Variants in KATNIP observed in about 807,000 individuals in gnomAD.
The protein encoded by KATNIP is katanin interacting protein.
Under a neutral mutation model 174.0 loss-of-function variants are expected in KATNIP, and 126 were observed. The ratio of observed to expected loss-of-function variants is 0.72; its 90% CI spans 0.63 to 0.84. The LOEUF (loss-of-function observed/expected upper bound fraction) is 0.84. Among genes scored for constraint, KATNIP ranks in the 40% least tolerant of loss-of-function variants. The pLI, the probability that KATNIP is intolerant of heterozygous loss-of-function variation, is 0.00. For synonymous variants in KATNIP, 810 were observed against 835.7 expected, an observed-to-expected ratio of 0.97 and a Z score of 0.53; for missense variants, 1,958 against 2,109.7, an observed-to-expected ratio of 0.93 and a Z score of 1.41.
intron 2 of KATNIP, among the ~76,000 whole-genome samples, chr16:27,585,453 C>T (rs1164118243): frequency 2.0e-5 from 3 of 152,092 alleles, no homozygotes; most frequent in South Asian, 4.1e-4. Context: ...GTGGGTATAT[C>T]GAAGGGATTT....
chr16:27,737,714 C>T (rs576109858), intron 14 of KATNIP, among the ~76,000 whole-genome samples: 3 of 152,056 alleles, frequency 2.0e-5, no homozygotes, highest in Admixed American at 6.6e-5. Context: ...GGAAAGTCAT[C>T]GCAAAGGAGG....
intron 8 of KATNIP, 84 bp from the exon 9 acceptor site, chr16:27,698,244 G>T: frequency 7.4e-7 from 1 of 1,350,604 alleles, no homozygotes; most frequent in Non-Finnish European, 1.0e-6. Flanking sequence ...TTTATAGAAT[G>T]TTCCTCAATT....
chr16:27,572,301 A>G (rs2090334029), intron 1 of KATNIP, among the ~76,000 whole-genome samples: 1 of 150,718 alleles, frequency 6.6e-6, no homozygotes, highest in African/African-American at 2.4e-5. Flanking sequence ...ACAGTGGTAC[A>G]TTATGCTGGT....
chr16:27,704,121 CG>C, intron 12 of KATNIP, 123 bp downstream of exon 12: 1 of 711,768 alleles, frequency 1.4e-6, no homozygotes, highest in Non-Finnish European at 2.4e-6. Context: ...GTGTTTCCAC[CG>C]CCCCCCCCCT....
At chr16:27,723,819 C>CTCCCTCCA (rs141881470) in intron 14 of KATNIP, among the ~76,000 whole-genome samples, 1 of 152,222 alleles carries the variant, frequency 6.6e-6, no homozygotes, top group Non-Finnish European at 1.5e-5. Context: ...CCCTCCCTCC[C>CTCCCTCCA]TCCTTCCCAT....
intron 11 of KATNIP, among the ~76,000 whole-genome samples, chr16:27,702,398 G>T (rs1026745105): frequency 6.6e-6 from 1 of 152,232 alleles, no homozygotes; most frequent in Non-Finnish European, 1.5e-5. Flanking sequence ...TATTGGAACT[G>T]TCAGGTTTTA....
intron 11 of KATNIP, among the ~76,000 whole-genome samples, chr16:27,702,842 G>C (rs138923958): frequency 6.2e-4 from 95 of 152,224 alleles, no homozygotes; most frequent in African/African-American, 2.2e-3. Flanking sequence ...GTACCATTGT[G>C]GCCATAATAA....
chr16:27,719,366 C>A (rs369468222), intron 13 of KATNIP, among the ~76,000 whole-genome samples: 2 of 152,076 alleles, frequency 1.3e-5, no homozygotes, highest in African/African-American at 2.4e-5. Flanking sequence ...GGAGAAATCT[C>A]CCCCCTCCAC....
Position 27,740,217 on chromosome 16 carries a change from C to T in KATNIP, c.1920C>T (p.Ser640=). 1 of 1,614,244 alleles carries T rather than the reference C, an allele frequency of 6.2e-7. No individual in the cohort carries two copies. The highest frequency in any genetic ancestry group is 8.5e-7 in the Non-Finnish European group (1 of 1,180,048). ...EEAMNAHSEE[S]KGTHEMAGAS... is the part of the protein sequence containing the mutation. ...CCATGAACGCTCACTCGGAAGAAAG[C>T]AAAGGCACCCATGAGATGGCTGGTG... Residue 640 remains serine, a synonymous_variant, in exon 15 of 28, where the codon AGC becomes AGT. Coordinates refer to ENST00000261588, the MANE Select transcript of KATNIP (RefSeq NM_015202.5).
Position 27,754,244 on chromosome 16 carries a change from C to CGGAATCTGT in KATNIP, c.3626_3631+3dup. 1 of 1,613,786 alleles carries CGGAATCTGT rather than the reference C, an allele frequency of 6.2e-7. No homozygotes were observed. Among genetic ancestry groups the CGGAATCTGT allele is most frequent in the Non-Finnish European group, 8.5e-7 (1 of 1,179,646 alleles). Reference sequence around the variant, plus strand: ...CCACGCCAGAGCCAGGCATCTACCACGGAATCTGTGAGTAGCTCTCCTGGA... The same window carrying CGGAATCTGT: ...CCACGCCAGAGCCAGGCATCTACCACGGAATCTGTGGAATCTGTGAGTAGCTCTCCTGGA... On this transcript the variant is annotated inframe_insertion, in exon 18 of 28. Coordinates refer to ENST00000261588, the MANE Select transcript of KATNIP (RefSeq NM_015202.5).
At chr16:27,601,181 C>G (rs1257177023) in intron 2 of KATNIP, among the ~76,000 whole-genome samples, 1 of 152,122 alleles carries the variant, frequency 6.6e-6, no homozygotes, top group Non-Finnish European at 1.5e-5. Flanking sequence ...TCTGCAAATC[C>G]TTTATAAGCT....
At chr16:27,701,089 T>A (rs1017976303) in intron 10 of KATNIP, among the ~76,000 whole-genome samples, 2 of 152,196 alleles carry the variant, frequency 1.3e-5, no homozygotes, top group African/African-American at 4.8e-5. Flanking sequence ...TTACTGGAAT[T>A]CTTCATAGAG....
intron 15 of KATNIP, 27 bp from the exon 16 acceptor site, chr16:27,749,557 T>TC (rs1567392171): frequency 1.3e-6 from 2 of 1,517,042 alleles, no homozygotes; most frequent in East Asian, 2.3e-5. Flanking sequence ...TCACAGGGCT[T>TC]CCCCCCTCTT....
Position 27,672,442 on chromosome 16 carries a change from ATGCAT to A in KATNIP, c.541-5283_541-5279del, listed in dbSNP as rs567428467. On this transcript the variant is annotated intron_variant, in intron 6 of 27. Coordinates refer to ENST00000261588, the MANE Select transcript of KATNIP (RefSeq NM_015202.5). ...GAAATGCCCCTGTTTATATTTCTTT[ATGCAT>A]TGCCTGCCTGTCTCCTCCCGCCCCA... Among the ~76,000 whole-genome samples, 5 of 152,232 alleles carry A rather than the reference ATGCAT, an allele frequency of 3.3e-5. No homozygotes were observed. In the East Asian group the frequency reaches 9.7e-4, roughly 29 times the overall value.
intron 13 of KATNIP, among the ~76,000 whole-genome samples, chr16:27,711,201 C>T (rs1052501299): frequency 3.3e-5 from 5 of 152,128 alleles, no homozygotes; most frequent in African/African-American, 9.7e-5. Context: ...TGCTGGCCAC[C>T]ACGGGTGTGG....
chr16:27,595,098 A>T (rs1033686314), intron 2 of KATNIP, among the ~76,000 whole-genome samples: 1 of 152,112 alleles, frequency 6.6e-6, no homozygotes, highest in Non-Finnish European at 1.5e-5. Context: ...ATAAGAACAG[A>T]TGTGGGCCGG....
intron 8 of KATNIP, among the ~76,000 whole-genome samples, chr16:27,691,258 A>C (rs536941499): frequency 6.6e-6 from 1 of 152,312 alleles, no homozygotes. Context: ...ATTCATGGTA[A>C]ATTTCCTGAA....
chr16:27,553,504 C>A (rs2089479533), intron 1 of KATNIP, among the ~76,000 whole-genome samples: 1 of 152,166 alleles, frequency 6.6e-6, no homozygotes, highest in African/African-American at 2.4e-5. Flanking sequence ...AACAAACAAA[C>A]AATTATTTTT....
chr16:27,750,029 C>T lies in KATNIP; in HGVS notation c.3069C>T (p.Ala1023=), dbSNP rs1168523322. ...ADPPDINILP[A]YGKDPRVVTN... is the part of the protein sequence containing the mutation. ...CTCCCGATATCAATATTTTACCAGC[C>T]TATGGGAAAGACCCCCGCGTGGTCA... Residue 1023 remains alanine (A), a synonymous_variant, in exon 16 of 28, where the codon GCC becomes GCT. Transcript: ENST00000261588. 2.5e-6 allele frequency: 4 copies of T among 1,614,044 alleles called. No individual in the cohort carries two copies. The highest frequency in any genetic ancestry group is 1.7e-5 in the Admixed American group (1 of 60,008).
Sources: allele counts gnomAD v4.1 joint callset (sites outside exome capture counted in the v4.1 genomes callset), GRCh38; gene constraint gnomAD v4.1.1; transcripts MANE v1.5; gene names NCBI Gene and HGNC (gene_info 2026-07-23, HGNC 2026-07-21).